Variants in PSMA1 observed in about 807,000 individuals in gnomAD.
PSMA1 encodes proteasome 20S subunit alpha 1, also known as proteasome subunit alpha type-1.
Under a neutral mutation model 38.4 loss-of-function variants are expected in PSMA1, and 3 were observed. The ratio of observed to expected loss-of-function variants is 0.08; its 90% CI spans 0.04 to 0.20. The LOEUF (loss-of-function observed/expected upper bound fraction) is 0.20, where lower values mean the gene tolerates loss of function less well. PSMA1 is among the 10% of genes least tolerant of loss of function. The pLI is 1.00. For missense variants in PSMA1, 227 were observed against 325.3 expected (o/e 0.70, Z 2.32); for synonymous variants, 101 against 107.1 (o/e 0.94, Z 0.35).
chr11:14,617,469 A>G (rs751086987), intron 1 of PSMA1, among the ~76,000 whole-genome samples: 2 of 152,130 alleles, frequency 1.3e-5, no homozygotes, highest in Non-Finnish European at 2.9e-5. Context: ...AGTGACTGGC[A>G]CAGGGTAAGC....
chr11:14,553,660 T>G (rs1322205665), intron 2 of PSMA1, among the ~76,000 whole-genome samples: 2 of 152,194 alleles, frequency 1.3e-5, no homozygotes, highest in African/African-American at 4.8e-5. Context: ...AGATTGTTTC[T>G]TTTTATTACT....
At chr11:14,624,658 G>C (rs904030121) in intron 1 of PSMA1, among the ~76,000 whole-genome samples, 2 of 152,184 alleles carry the variant, frequency 1.3e-5, no homozygotes, top group African/African-American at 4.8e-5. Flanking sequence ...GGCAAGAATA[G>C]GGTCACATCT....
chr11:14,570,637 G>A (rs192809951), intron 2 of PSMA1, among the ~76,000 whole-genome samples: 34 of 152,196 alleles, frequency 2.2e-4, no homozygotes, highest in Non-Finnish European at 4.4e-4. Flanking sequence ...AATGAAGCAA[G>A]AAGACAAGTT....
Position 14,638,585 on chromosome 11 carries a change from A to AT in PSMA1, c.-166+4869dup, listed in dbSNP as rs1162549899. Among the ~76,000 whole-genome samples, 7 of 8,096 alleles carry AT rather than the reference A, an allele frequency of 8.6e-4. 2 individuals carry two copies. The highest frequency in any genetic ancestry group is 2.2e-3 in the African/African-American group (4 of 1,780). 5.3% of individuals were successfully genotyped at this position (8,096 alleles called of 152,430 possible). A position where few individuals can be genotyped will look rare whatever the true frequency, so the allele number is the denominator to read the frequency against. On this transcript the variant is annotated intron_variant, in intron 1 of 10. Coordinates refer to the PSMA1 transcript ENST00000418988. ...TATATATATATATATATATATATAT[A>AT]TTTTTTTTTTTTTTTTTTTTTTTTT... is the stretch of plus-strand genomic sequence containing the variant.
rs140881862 is a variant in PSMA1 at position 14,620,566 on chromosome 11, T to A, written c.-165-9415A>T. 2.2e-3 allele frequency among the ~76,000 whole-genome samples: 332 copies of A among 152,344 alleles called. 2 individuals are homozygous for A. Among genetic ancestry groups the A allele is most frequent in the South Asian group, 3.5e-3 (17 of 4,832 alleles). On this transcript the variant is annotated intron_variant, in intron 1 of 10. Coordinates refer to the PSMA1 transcript ENST00000418988. ...CAACTGACTTACTGGAGGAATAAAT[T>A]CAATCTAGTGATTCTATTCTGGAAG... is the stretch of plus-strand genomic sequence containing the variant.
chr11:14,564,953 A>T lies in PSMA1; in HGVS notation c.22-45912T>A, dbSNP rs529241124. Among the ~76,000 whole-genome samples, 38 of 151,890 alleles carry T rather than the reference A, an allele frequency of 2.5e-4. No individual in the cohort carries two copies. In the South Asian group the frequency reaches 6.9e-3, roughly 27 times the overall value. ...TCACCACGCTTGGCTAATTAAAAAA[A>T]TTTTTTTGTAGAGATGGGGTCTTAC... On this transcript the variant is annotated intron_variant, in intron 2 of 10. Transcript: ENST00000418988.
chr11:14,618,832 G>C (rs1459740995), intron 1 of PSMA1, among the ~76,000 whole-genome samples: 1 of 152,154 alleles, frequency 6.6e-6, no homozygotes, highest in African/African-American at 2.4e-5. Flanking sequence ...GCTCACATTT[G>C]TGTATGATTT....
intron 2 of PSMA1, among the ~76,000 whole-genome samples, chr11:14,530,135 A>G (rs1851631549): frequency 6.6e-6 from 1 of 152,116 alleles, no homozygotes; most frequent in Non-Finnish European, 1.5e-5. Flanking sequence ...TGTGACCTCA[A>G]CCCCTGCCCT....
At chr11:14,544,141 C>G (rs1370294751) in intron 2 of PSMA1, among the ~76,000 whole-genome samples, 3 of 152,198 alleles carry the variant, frequency 2.0e-5, no homozygotes, top group Admixed American at 6.5e-5. Flanking sequence ...GCGATCCTCC[C>G]AACTCAGTCT....
intron 2 of PSMA1, among the ~76,000 whole-genome samples, chr11:14,581,244 T>A (rs968139264): frequency 1.3e-5 from 2 of 152,226 alleles, no homozygotes; most frequent in African/African-American, 4.8e-5. Context: ...TAAGGGCATA[T>A]AATTCATAGG....
chr11:14,540,482 G>A (rs2134164152), intron 2 of PSMA1, among the ~76,000 whole-genome samples: 1 of 152,250 alleles, frequency 6.6e-6, no homozygotes, highest in Admixed American at 6.5e-5. Flanking sequence ...GATCAAAAAA[G>A]CCCTTCATTT....
intron 2 of PSMA1, among the ~76,000 whole-genome samples, chr11:14,602,203 G>A (rs1852590293): frequency 6.6e-6 from 1 of 152,202 alleles, no homozygotes; most frequent in Admixed American, 6.5e-5. Context: ...TACAATTGGA[G>A]AGGGAATTTC....
chr11:14,510,252 T>C (rs1851321867), intron 8 of PSMA1, among the ~76,000 whole-genome samples: 1 of 152,150 alleles, frequency 6.6e-6, no homozygotes, highest in African/African-American at 2.4e-5. Context: ...GCCTTTGCAT[T>C]TGTATTTCCT....
intron 1 of PSMA1, among the ~76,000 whole-genome samples, chr11:14,617,564 C>T (rs972374918): frequency 3.3e-5 from 5 of 152,064 alleles, no homozygotes; most frequent in African/African-American, 9.7e-5. Flanking sequence ...ATTTAATACA[C>T]ACTAAGACTG....
chr11:14,589,738 G>C (rs1262012408), intron 2 of PSMA1, among the ~76,000 whole-genome samples: 2 of 152,254 alleles, frequency 1.3e-5, no homozygotes, highest in East Asian at 1.9e-4. Context: ...GCTTACACAA[G>C]CAACAGTACA....
At chr11:14,597,491 G>A (rs1484624583) in intron 2 of PSMA1, among the ~76,000 whole-genome samples, 1 of 152,138 alleles carries the variant, frequency 6.6e-6, no homozygotes, top group Non-Finnish European at 1.5e-5. Context: ...ATGTGTCCAG[G>A]AATTTATCCA....
At chr11:14,558,180 C>T (rs980744855) in intron 2 of PSMA1, among the ~76,000 whole-genome samples, 3 of 129,622 alleles carry the variant, frequency 2.3e-5, no homozygotes, top group Non-Finnish European at 3.1e-5. Flanking sequence ...AGGGAGGCCA[C>T]GGTGGGGGGA....
chr11:14,508,524 AATTT>A (rs1331734460), intron 8 of PSMA1, among the ~76,000 whole-genome samples: 1 of 118,726 alleles, frequency 8.4e-6, no homozygotes, highest in Non-Finnish European at 1.6e-5. Context: ...AAAACAAAAC[AATTT>A]ATTTCTCTCC....
intron 2 of PSMA1, among the ~76,000 whole-genome samples, chr11:14,575,562 C>A (rs957088617): frequency 5.9e-5 from 9 of 152,164 alleles, no homozygotes; most frequent in Admixed American, 3.3e-4. Flanking sequence ...TTCCAGCTTC[C>A]TCCATGTCCC....
Sources: allele counts gnomAD v4.1 joint callset (sites outside exome capture counted in the v4.1 genomes callset), GRCh38; gene constraint gnomAD v4.1.1; transcripts MANE v1.5; gene names NCBI Gene and HGNC (gene_info 2026-07-23, HGNC 2026-07-21).